Variants in CTNND2 observed in about 807,000 individuals in gnomAD.
The protein encoded by CTNND2 is catenin delta 2.
In CTNND2, 22 loss-of-function variants were observed where a neutral mutation model predicts 144.4. The observed-to-expected ratio is 0.15, with a 90% CI of 0.11 to 0.22. CTNND2 has a LOEUF of 0.22. Ranked by LOEUF, CTNND2 falls within the 10% of genes least tolerant of loss-of-function variation. The probability of loss-of-function intolerance (pLI) is 1.00; values close to 1 mark genes in which losing one functional copy is unlikely to be tolerated. For missense variants in CTNND2, 1,353 were observed against 1,618.8 expected, an observed-to-expected ratio of 0.84 and a Z score of 2.82; for synonymous variants, 751 against 695.6, an observed-to-expected ratio of 1.08 and a Z score of -1.25.
intron 9 of CTNND2, among the ~76,000 whole-genome samples, chr5:11,264,446 A>G (rs188038173): frequency 6.6e-6 from 1 of 152,290 alleles, no homozygotes; most frequent in African/African-American, 2.4e-5. Flanking sequence ...CTGTTTGAGG[A>G]AGATAATGGT....
intron 3 of CTNND2, among the ~76,000 whole-genome samples, chr5:11,467,855 C>A (rs1581258873): frequency 6.6e-6 from 1 of 152,328 alleles, no homozygotes; most frequent in East Asian, 1.9e-4. Context: ...TTCACTAACA[C>A]ATACATAGTA....
intron 1 of CTNND2, among the ~76,000 whole-genome samples, chr5:11,842,423 A>T (rs1049285785): frequency 6.6e-6 from 1 of 152,076 alleles, no homozygotes. Context: ...ACTGGACAAA[A>T]TCTCCTTAGA....
chr5:11,820,753 T>C (rs1010748386), intron 1 of CTNND2, among the ~76,000 whole-genome samples: 1 of 152,220 alleles, frequency 6.6e-6, no homozygotes, highest in Admixed American at 6.5e-5. Flanking sequence ...CTATGTCTGT[T>C]GAACAAGTTG....
chr5:11,802,251 G>A (rs928975456), intron 1 of CTNND2, among the ~76,000 whole-genome samples: 13 of 143,230 alleles, frequency 9.1e-5, no homozygotes, highest in Non-Finnish European at 1.5e-4. Flanking sequence ...CAGCCTAGGC[G>A]ATAGAGCAAG....
rs7721224 is a variant in CTNND2, at chr5:11,612,903, A to G, written c.175-47847T>C. Among the ~76,000 whole-genome samples the G allele has an allele frequency of 8.6e-3, 1,313 of 152,286 alleles. 12 individuals are homozygous for G. The highest frequency in any genetic ancestry group is 0.027 in the African/African-American group (1,126 of 41,568). ...TGAAAAAGGGAGACCCTGCCTCAAT[A>G]TAAATAAATAAATAAAATAAAATAT... On this transcript the variant is annotated intron_variant, in intron 2 of 21. Transcript: ENST00000304623.
At chr5:11,655,493 A>T (rs1782863596) in intron 2 of CTNND2, among the ~76,000 whole-genome samples, 1 of 152,106 alleles carries the variant, frequency 6.6e-6, no homozygotes, top group African/African-American at 2.4e-5. Flanking sequence ...GTAAAGTAAA[A>T]GAACAGGATT....
At chr5:11,331,183 T>C (rs150334785) in intron 9 of CTNND2, among the ~76,000 whole-genome samples, 2,144 of 152,332 alleles carry the variant, frequency 0.014, 12 homozygotes, top group South Asian at 0.047. Flanking sequence ...GCTTGAAATA[T>C]AGCAGACTTC....
intron 3 of CTNND2, among the ~76,000 whole-genome samples, chr5:11,498,918 T>A (rs371653174): frequency 1.3e-5 from 2 of 151,548 alleles, no homozygotes; most frequent in Non-Finnish European, 1.5e-5. Flanking sequence ...TGGATGTGTG[T>A]TTTTTTTTAA....
intron 11 of CTNND2, among the ~76,000 whole-genome samples, chr5:11,198,222 T>G (rs1271157520): frequency 6.6e-6 from 1 of 152,248 alleles, no homozygotes; most frequent in African/African-American, 2.4e-5. Flanking sequence ...CCCTGACTCA[T>G]GTCTCCCCAC....
intron 2 of CTNND2, among the ~76,000 whole-genome samples, chr5:11,644,504 C>T (rs1447967162): frequency 6.6e-6 from 1 of 152,016 alleles, no homozygotes; most frequent in Non-Finnish European, 1.5e-5. Flanking sequence ...GAAACCCTGT[C>T]TCTACTAAAA....
At chr5:11,071,560 T>C (rs1263431271) in intron 16 of CTNND2, among the ~76,000 whole-genome samples, 1 of 139,352 alleles carries the variant, frequency 7.2e-6, no homozygotes, top group Admixed American at 7.2e-5. Flanking sequence ...CAAAAATTTT[T>C]TTTTCAAAAA....
chr5:11,672,354 C>T (rs978918897), intron 2 of CTNND2, among the ~76,000 whole-genome samples: 1 of 152,196 alleles, frequency 6.6e-6, no homozygotes, highest in African/African-American at 2.4e-5. Context: ...CAGGCAGGGA[C>T]ATTTAAGTCT....
intron 3 of CTNND2, among the ~76,000 whole-genome samples, chr5:11,458,827 T>C (rs1482554247): frequency 6.6e-6 from 1 of 152,166 alleles, no homozygotes. Flanking sequence ...CATGGCTCAC[T>C]GCAGCCTGGA....
intron 2 of CTNND2, among the ~76,000 whole-genome samples, chr5:11,692,639 T>C (rs971651428): frequency 1.3e-5 from 2 of 152,250 alleles, no homozygotes; most frequent in African/African-American, 2.4e-5. Flanking sequence ...TATCGCTCTG[T>C]TGCCCAGGCT....
chr5:11,640,381 T>C (rs1781938451), intron 2 of CTNND2, among the ~76,000 whole-genome samples: 1 of 152,244 alleles, frequency 6.6e-6, no homozygotes, highest in Non-Finnish European at 1.5e-5. Flanking sequence ...TGGACAGCTT[T>C]GCAAAACTGT....
chr5:11,490,033 T>C (rs563187041), intron 3 of CTNND2, among the ~76,000 whole-genome samples: 49 of 152,292 alleles, frequency 3.2e-4, no homozygotes, highest in Non-Finnish European at 6.5e-4. Context: ...CTGATGTGAA[T>C]TCATGCTGAT....
chr5:11,819,260 CCT>C (rs1449265130), intron 1 of CTNND2, among the ~76,000 whole-genome samples: 1 of 152,026 alleles, frequency 6.6e-6, no homozygotes, highest in Non-Finnish European at 1.5e-5. Context: ...GTGGTGAAAC[CCT>C]GTTTCTACTA....
chr5:11,741,633 G>A (rs1457458430), intron 1 of CTNND2, among the ~76,000 whole-genome samples: 1 of 151,746 alleles, frequency 6.6e-6, no homozygotes, highest in Non-Finnish European at 1.5e-5. Flanking sequence ...TCGAGTTGAT[G>A]GGTGTAGCAA....
chr5:11,520,290 C>G (rs26171), intron 3 of CTNND2, among the ~76,000 whole-genome samples: 94,582 of 152,124 alleles, frequency 0.62, 30,218 homozygotes, highest in African/African-American at 0.75. Context: ...AACTGCCCCT[C>G]AATGGTTGAC....
Sources: gnomAD v4.1 joint callset for allele counts (sites outside exome capture counted in the v4.1 genomes callset) on GRCh38, gnomAD v4.1.1 for gene constraint, MANE v1.5 for transcripts, NCBI Gene and HGNC (gene_info 2026-07-23, HGNC 2026-07-21) for gene names.